The following HLA-DRB1 variants were observed in gnomAD, a reference collection of about 807,000 sequenced individuals.
HLA-DRB1 encodes major histocompatibility complex, class II, DR beta 1 precursor.
Under a neutral mutation model 27.9 loss-of-function variants are expected in HLA-DRB1, and 10 were observed. The ratio of observed to expected loss-of-function variants is 0.36; its 90% CI spans 0.22 to 0.61. The LOEUF (loss-of-function observed/expected upper bound fraction) is 0.61, where lower values mean the gene tolerates loss of function less well. HLA-DRB1 is among the 20% of genes least tolerant of loss of function. The probability of loss-of-function intolerance (pLI) is 0.73; values close to 1 mark genes in which losing one functional copy is unlikely to be tolerated. For synonymous variants in HLA-DRB1, 57 were observed against 126.7 expected (o/e 0.45, Z 3.69); for missense variants, 118 against 306.3 (o/e 0.39, Z 4.59).
rs1174786932 is a variant in HLA-DRB1, at chr6:32,583,915, C to T, written c.370+194G>A. ...ACAAATCCACACTTTACACACACAC[C>T]TGTGCTCTCAGAACTGCTTGCTCCG... On this transcript the variant is annotated intron_variant, in intron 2 of 5. Coordinates refer to ENST00000360004, the Ensembl canonical transcript of HLA-DRB1. Among the ~76,000 whole-genome samples, 33 of 69,776 alleles carry T rather than the reference C, an allele frequency of 4.7e-4. 2 individuals are homozygous for T. The highest frequency in any genetic ancestry group is 5.3e-4 in the Non-Finnish European group (18 of 34,242). The allele number at this position is 69,776 out of a possible 152,430, so 45.8% of individuals were successfully genotyped here. A position where few individuals can be genotyped will look rare whatever the true frequency, so the allele number is the denominator to read the frequency against.
At chr6:32,582,616 A>T (rs1775721872) in intron 2 of HLA-DRB1, among the ~76,000 whole-genome samples, 1 of 104,110 alleles carries the variant, frequency 9.6e-6, no homozygotes. Flanking sequence ...CTTTCCTAGA[A>T]AAGCATGAGT....
intron 1 of HLA-DRB1, among the ~76,000 whole-genome samples, chr6:32,585,485 ACTT>A (rs1195131136): frequency 1.6e-5 from 2 of 121,416 alleles, no homozygotes; most frequent in Non-Finnish European, 3.4e-5. Flanking sequence ...AAATGATGAC[ACTT>A]CTTAGCACTG....
chr6:32,589,463 A>G (rs9270276), intron 1 of HLA-DRB1, among the ~76,000 whole-genome samples, 180 bp downstream of exon 1: 43,126 of 75,326 alleles, frequency 0.57, 14,163 homozygotes, highest in Middle Eastern at 0.76. Flanking sequence ...AAGTCTCATG[A>G]AGAGGGCAAG....
chr6:32,586,466 T>A (rs9270081), intron 1 of HLA-DRB1, among the ~76,000 whole-genome samples: 14,113 of 65,550 alleles, frequency 0.22, 4,348 homozygotes, highest in Non-Finnish European at 0.23. Context: ...TCCTTGAAAA[T>A]AATCTATTTT....
exon 3 of HLA-DRB1, chr6:32,581,584 C>G (rs111739605): frequency 0.025 from 27,615 of 1,086,158 alleles, 2 homozygotes; most frequent in East Asian, 0.06. Flanking sequence ...GGGCTTGTCA[C>G]GCTTGGGTGC....
rs796795709 is a variant in HLA-DRB1, at chr6:32,579,369, G to T, written c.788-265C>A. On this transcript the variant is annotated intron_variant, in intron 5 of 5. Coordinates refer to ENST00000360004, the Ensembl canonical transcript of HLA-DRB1. ...TTATCACCTCTACCATCATTCTGGT[G>T]TGTCCTGAGTTTGTTCCTTCCGGTG... Among the ~76,000 whole-genome samples the T allele has an allele frequency of 3.2e-4, 26 of 80,650 alleles. 1 individual carries two copies. The East Asian group carries it at 4.8e-3, about 15-fold the overall frequency. 52.9% of individuals were successfully genotyped at this position (80,650 alleles called of 152,430 possible).
At chr6:32,587,872 A>G (rs34991608) in intron 1 of HLA-DRB1, among the ~76,000 whole-genome samples, 1 of 148,106 alleles carries the variant, frequency 6.8e-6, no homozygotes, top group African/African-American at 2.5e-5. Flanking sequence ...TAACTTAATC[A>G]AATAGAATGA....
At chr6:32,589,102 A>G (rs9270235) in intron 1 of HLA-DRB1, among the ~76,000 whole-genome samples, 6,466 of 83,822 alleles carry the variant, frequency 0.077, 264 homozygotes, top group Middle Eastern at 0.14. Context: ...CACTACAGGG[A>G]TACAGGCCTT....
chr6:32,580,542 C>G (rs28732265), intron 4 of HLA-DRB1, among the ~76,000 whole-genome samples: 7,585 of 99,276 alleles, frequency 0.076, 504 homozygotes, highest in East Asian at 0.092. Context: ...TAACCTTCCT[C>G]TCGTCTCTGC....
intron 2 of HLA-DRB1, among the ~76,000 whole-genome samples, chr6:32,582,188 T>A (rs541500585): frequency 0.015 from 1,709 of 115,848 alleles, 69 homozygotes; most frequent in Middle Eastern, 0.049. Flanking sequence ...TACTGGTTGA[T>A]CCTGGAAGAG....
chr6:32,582,146 G>A (rs35239661), intron 2 of HLA-DRB1, among the ~76,000 whole-genome samples: 1 of 114,928 alleles, frequency 8.7e-6, no homozygotes, highest in Admixed American at 9.1e-5. Flanking sequence ...ATTTGAGCCA[G>A]GTTGCCTGGT....
chr6:32,582,626 T>C (rs1775722975), intron 2 of HLA-DRB1, among the ~76,000 whole-genome samples: 1 of 103,532 alleles, frequency 9.7e-6, no homozygotes, highest in African/African-American at 3.9e-5. Context: ...AAAGCATGAG[T>C]CCTGAAGCAG....
chr6:32,588,392 T>G (rs1286364265), intron 1 of HLA-DRB1, among the ~76,000 whole-genome samples: 1 of 134,822 alleles, frequency 7.4e-6, no homozygotes, highest in African/African-American at 2.7e-5. Context: ...TGGCAGAGGT[T>G]GCAGTGAGCC....
At chr6:32,584,614 C>T (rs538710337) in intron 1 of HLA-DRB1, among the ~76,000 whole-genome samples, 1,901 of 144,956 alleles carry the variant, frequency 0.013, 37 homozygotes, top group South Asian at 0.045. Context: ...GGGACCCCCT[C>T]CCTGCCTCCA....
chr6:32,580,496 T>G (rs556328535), intron 4 of HLA-DRB1, among the ~76,000 whole-genome samples: 1 of 117,944 alleles, frequency 8.5e-6, no homozygotes, highest in Admixed American at 1.0e-4. Context: ...TTCCTTAATT[T>G]GCTCCAGGAT....
At chr6:32,582,110 TAC>T (rs34517261) in intron 2 of HLA-DRB1, among the ~76,000 whole-genome samples, 25,920 of 104,702 alleles carry the variant, frequency 0.25, 1,235 homozygotes, top group East Asian at 0.3. Flanking sequence ...TCTTGGAAAG[TAC>T]AGAGTGTAGT....
chr6:32,580,126 CA>C lies in HLA-DRB1; in HGVS notation c.787+120del, dbSNP rs1178002827. ...TCAAAAAAAAAAAAAAAAAAAAAAACAAAAAAAAACCTCTTGTAAGAAAAGT... is the reference window on the plus strand; with the variant it reads ...TCAAAAAAAAAAAAAAAAAAAAAAACAAAAAAAACCTCTTGTAAGAAAAGT... On this transcript the variant is annotated intron_variant, in intron 5 of 5. Coordinates refer to ENST00000360004, the Ensembl canonical transcript of HLA-DRB1. 3.2e-5 allele frequency: 4 copies of C among 126,678 alleles called. 1 individual carries two copies. The highest frequency in any genetic ancestry group is 2.5e-4 in the African/African-American group (2 of 8,052). 7.8% of individuals were successfully genotyped at this position (126,678 alleles called of 1,614,324 possible).
At chr6:32,582,283 T>G in intron 2 of HLA-DRB1, among the ~76,000 whole-genome samples, 2 of 115,072 alleles carry the variant, frequency 1.7e-5, no homozygotes, top group Non-Finnish European at 1.8e-5. Context: ...ATATGAGGAT[T>G]AATGCACGTA....
chr6:32,588,811 T>TCA (rs1281992265), intron 1 of HLA-DRB1, among the ~76,000 whole-genome samples: 683 of 73,482 alleles, frequency 9.3e-3, no homozygotes, highest in Middle Eastern at 0.066. Flanking sequence ...TTCATATAAT[T>TCA]TATACATTAG....
Sources: allele counts gnomAD v4.1 joint callset (sites outside exome capture counted in the v4.1 genomes callset), GRCh38; gene constraint gnomAD v4.1.1; transcripts MANE v1.5; gene names NCBI Gene and HGNC (gene_info 2026-07-23, HGNC 2026-07-21).